The following TACC2 variants were observed in gnomAD, a reference collection of about 807,000 sequenced individuals.
TACC2 encodes the protein transforming acidic coiled-coil-containing protein 2.
In TACC2, 137 loss-of-function variants were observed where a neutral mutation model predicts 227.3. That is an observed-to-expected ratio of 0.60 (90% CI 0.52 to 0.69). The LOEUF is 0.69. Ranked by LOEUF, TACC2 falls within the 30% of genes least tolerant of loss-of-function variation. The pLI is 0.00. For synonymous variants in TACC2, 1,523 were observed against 1,487.5 expected, an observed-to-expected ratio of 1.02 and a Z score of -0.55; for missense variants, 3,470 against 3,694.4, an observed-to-expected ratio of 0.94 and a Z score of 1.57.
chr10:122,134,249 G>A (rs796088842), intron 6 of TACC2, among the ~76,000 whole-genome samples: 4 of 150,038 alleles, frequency 2.7e-5, no homozygotes, highest in African/African-American at 9.9e-5. Flanking sequence ...TCTGCTCACT[G>A]CAACCTCCGC....
Position 122,083,394 on chromosome 10 carries a change from GTATT to G in TACC2, c.897_900del (p.Tyr299Ter). 1 of 1,613,936 alleles carries G rather than the reference GTATT, an allele frequency of 6.2e-7. No individual in the cohort carries two copies. The highest frequency in any genetic ancestry group is 8.5e-7 in the Non-Finnish European group (1 of 1,180,036). The stretch of plus-strand genomic sequence containing the variant: ...GAGGCCAAGGGGAGGCGCCGCCTCA[GTATT>G]TAACAGATGACTTGGAATTCCTCAG... On this transcript the variant is annotated frameshift_variant, in exon 4 of 23. Transcript: ENST00000369005. LOFTEE classifies it high-confidence loss of function.
At chr10:122,127,720 C>T (rs375667112) in intron 5 of TACC2, among the ~76,000 whole-genome samples, 4 of 152,196 alleles carry the variant, frequency 2.6e-5, no homozygotes, top group African/African-American at 7.2e-5. Flanking sequence ...TAGAAAAATC[C>T]CCCCATTTCC....
intron 2 of TACC2, chr10:122,033,181 G>T (rs1192540891): frequency 1.6e-6 from 2 of 1,281,932 alleles, no homozygotes; most frequent in Admixed American, 4.6e-5. Flanking sequence ...GTTCTGCATG[G>T]CTTCCCTCTC....
At chr10:122,124,841 T>C (rs142801597) in intron 5 of TACC2, among the ~76,000 whole-genome samples, 234 of 152,340 alleles carry the variant, frequency 1.5e-3, no homozygotes, top group Non-Finnish European at 2.5e-3. Context: ...TCTCTCTATA[T>C]GAGTAATATA....
In TACC2 at chr10:122,085,452, C is replaced by T. The variant is rs2079992886; in HGVS notation, c.2952C>T (p.Cys984=). The T allele has an allele frequency of 6.2e-7, 1 of 1,613,700 alleles. No homozygotes were observed. Among genetic ancestry groups the T allele is most frequent in the South Asian group, 1.1e-5 (1 of 91,086 alleles). Residue 984 remains cysteine, a synonymous_variant, in exon 4 of 23, where the codon TGC becomes TGT. Coordinates refer to ENST00000369005, the MANE Select transcript of TACC2 (RefSeq NM_206862.4). ...GGAACTTCAGCAGAAAGGAAACTTG[C>T]TGCACTGGGCAGGGGCCAAACAAGT... ...LAGNFSRKET[C]CTGQGPNKSQ... is the part of the protein sequence containing the mutation.
At position 122,143,627 on chromosome 10, in the gene TACC2, GT is replaced by G. The variant is rs746979348; in HGVS notation, c.5758del (p.Ser1920ArgfsTer10). 16 of 1,614,004 alleles carry G rather than the reference GT, an allele frequency of 9.9e-6. No individual in the cohort carries two copies. The highest frequency in any genetic ancestry group is 1.3e-5 in the Non-Finnish European group (15 of 1,179,966). On this transcript the variant is annotated frameshift_variant, in exon 7 of 23. Coordinates refer to ENST00000369005, the MANE Select transcript of TACC2 (RefSeq NM_206862.4). LOFTEE classifies it high-confidence loss of function. ...TCCTCCCTCGGCTGCAGAACACATA[GT>G]TTCGCCATCTGCCCCAGCTGGTGAC... ...GLPPSAAEHIVSPSAPAGDRV... is the reference protein window; with the variant it reads ...GLPPSAAEHIXSPSAPAGDRV...
intron 16 of TACC2, among the ~76,000 whole-genome samples, chr10:122,236,685 A>G (rs978219960): frequency 5.9e-5 from 9 of 152,216 alleles, no homozygotes; most frequent in Non-Finnish European, 1.3e-4. Context: ...GTGGTGGATC[A>G]TGCCACTTGT....
chr10:122,120,911 C>A (rs534412015), intron 5 of TACC2, among the ~76,000 whole-genome samples: 1 of 152,118 alleles, frequency 6.6e-6, no homozygotes, highest in Non-Finnish European at 1.5e-5. Context: ...ATTATAGATG[C>A]GTGCCACCAT....
At chr10:122,191,647 A>G (rs1325281498) in intron 7 of TACC2, among the ~76,000 whole-genome samples, 1 of 152,240 alleles carries the variant, frequency 6.6e-6, no homozygotes, top group Non-Finnish European at 1.5e-5. Context: ...GGTTTACACT[A>G]TAGAAATATA....
intron 5 of TACC2, among the ~76,000 whole-genome samples, chr10:122,124,476 A>G (rs2086444434): frequency 6.6e-6 from 1 of 152,088 alleles, no homozygotes. Context: ...TAAATCTCTC[A>G]TGTTCCCCAT....
chr10:121,992,147 T>C (rs1349587240), intron 1 of TACC2, among the ~76,000 whole-genome samples: 3 of 152,138 alleles, frequency 2.0e-5, no homozygotes, highest in African/African-American at 7.2e-5. Flanking sequence ...GTGTTGGTGC[T>C]AGTGGGAGTA....
At chr10:122,032,121 G>A (rs948884067) in intron 2 of TACC2, among the ~76,000 whole-genome samples, 1 of 152,202 alleles carries the variant, frequency 6.6e-6, no homozygotes, top group African/African-American at 2.4e-5. Flanking sequence ...AGCCATGTGA[G>A]TCATGCACCC....
chr10:122,144,422 T>C (rs953060875), intron 7 of TACC2, among the ~76,000 whole-genome samples: 5 of 152,170 alleles, frequency 3.3e-5, no homozygotes, highest in Non-Finnish European at 7.4e-5. Context: ...TTGGTTTTGA[T>C]TATAAATCAT....
chr10:122,080,528 C>T (rs183133266), intron 3 of TACC2, among the ~76,000 whole-genome samples: 185 of 152,236 alleles, frequency 1.2e-3, no homozygotes, highest in Admixed American at 2.7e-3. Flanking sequence ...GCCATGCACC[C>T]GGCCTCTTCC....
At chr10:122,144,867 C>A (rs894274613) in intron 7 of TACC2, among the ~76,000 whole-genome samples, 1 of 152,204 alleles carries the variant, frequency 6.6e-6, no homozygotes, top group African/African-American at 2.4e-5. Context: ...GTTGGCAGAG[C>A]AGGAACATTT....
At chr10:122,125,072 C>T (rs1404066588) in intron 5 of TACC2, among the ~76,000 whole-genome samples, 1 of 152,062 alleles carries the variant, frequency 6.6e-6, no homozygotes, top group East Asian at 1.9e-4. Context: ...TCAAATTCAC[C>T]AGCAGTGTAC....
At chr10:121,989,521 T>C (rs1054200655) in intron 1 of TACC2, 33 bp downstream of exon 1, 4 of 152,170 alleles carry the variant, frequency 2.6e-5, no homozygotes, top group African/African-American at 9.7e-5. Flanking sequence ...GAAAATGAAG[T>C]TGGCTCTGAT....
At chr10:122,219,273 T>C (rs1218453546) in intron 11 of TACC2, among the ~76,000 whole-genome samples, 1 of 151,044 alleles carries the variant, frequency 6.6e-6, no homozygotes, top group African/African-American at 2.4e-5. Context: ...TCCTTAGTGC[T>C]AGCCCCTCCC....
chr10:122,197,784 T>G (rs1326513436), intron 8 of TACC2, among the ~76,000 whole-genome samples: 1 of 152,220 alleles, frequency 6.6e-6, no homozygotes, highest in African/African-American at 2.4e-5. Flanking sequence ...AAAGCCCCCC[T>G]AGCTTGGGCT....
Sources: gnomAD v4.1 joint callset for allele counts (sites outside exome capture counted in the v4.1 genomes callset) on GRCh38, gnomAD v4.1.1 for gene constraint, MANE v1.5 for transcripts, NCBI Gene and HGNC (gene_info 2026-07-23, HGNC 2026-07-21) for gene names.